Variants in ABCB5 observed in about 807,000 individuals in gnomAD.
The protein encoded by ABCB5 is ATP-binding cassette sub-family B member 5.
ABCB5 carries 155 observed loss-of-function variants against 144.2 expected under a neutral mutation model. The observed-to-expected ratio is 1.08, with a 90% confidence interval of 0.94 to 1.23. ABCB5 has a LOEUF of 1.23. Among genes scored for constraint, ABCB5 ranks in the 50% most tolerant of loss-of-function variants. ABCB5 has a pLI of 0.00. For synonymous variants in ABCB5, 610 were observed against 528.6 expected (o/e 1.15, Z -2.11); for missense variants, 1,830 against 1,520.8 (o/e 1.20, Z -3.38).
intron 26 of ABCB5, among the ~76,000 whole-genome samples, chr7:20,747,302 ACT>A (rs773736182): frequency 9.9e-5 from 15 of 152,090 alleles, no homozygotes; most frequent in Non-Finnish European, 1.5e-4. Context: ...ACAAGGCCTC[ACT>A]CTGTCACCCA....
In ABCB5 at chr7:20,711,786, T is replaced by TTCTCTCTCTCTCTCTC. The variant is rs1491248865; in HGVS notation, c.2421+6982_2421+6983insCTCTCTCTCTCTCTCT. 1.6e-3 allele frequency among the ~76,000 whole-genome samples: 56 copies of TTCTCTCTCTCTCTCTC among 34,242 alleles called. 7 individuals carry two copies. Among genetic ancestry groups the TTCTCTCTCTCTCTCTC allele is most frequent in the East Asian group, 0.014 (12 of 848 alleles). The allele number at this position is 34,242 out of a possible 152,430, so 22.5% of individuals were successfully genotyped here. A position where few individuals can be genotyped will look rare whatever the true frequency, so the allele number is the denominator to read the frequency against. ...CCTGCCTTTCCTTCTTTCTCTTTCT[T>TTCTCTCTCTCTCTCTC]TCTTTCTTTCTTTCTTTCTTTCTTT... On this transcript the variant is annotated intron_variant, in intron 20 of 27. Coordinates refer to ENST00000404938, the MANE Select transcript of ABCB5 (RefSeq NM_001163941.2).
At chr7:20,754,431 C>T (rs192356710) in intron 27 of ABCB5, among the ~76,000 whole-genome samples, 6 of 152,304 alleles carry the variant, frequency 3.9e-5, no homozygotes, top group Admixed American at 3.9e-4. Flanking sequence ...CTTGGTCTAA[C>T]CTCAGTTCAG....
chr7:20,713,912 A>C (rs1781580372), intron 20 of ABCB5, among the ~76,000 whole-genome samples: 1 of 151,924 alleles, frequency 6.6e-6, no homozygotes, highest in South Asian at 2.1e-4. Flanking sequence ...TCTATGCTGC[A>C]AACTCTAGCT....
chr7:20,623,663 C>G (rs1292476857), intron 2 of ABCB5, among the ~76,000 whole-genome samples: 1 of 152,140 alleles, frequency 6.6e-6, no homozygotes, highest in Non-Finnish European at 1.5e-5. Context: ...TTTCAATTCT[C>G]TGTGGACCCT....
In ABCB5 at chr7:20,671,973, A is replaced by G. The variant is rs542603925; in HGVS notation, c.1708-9532A>G. On this transcript the variant is annotated intron_variant, in intron 14 of 27. Transcript: ENST00000404938. ...CTACTCCACAACTTGCCCACACTTC[A>G]TATGGTCATTTATTTTAATTTCAGC... Among the ~76,000 whole-genome samples, 13 of 152,338 alleles carry G rather than the reference A, an allele frequency of 8.5e-5. No homozygotes were observed. The East Asian group carries it at 2.5e-3, about 29-fold the overall frequency.
rs185836211 is a variant in ABCB5 at position 20,697,096 on chromosome 7, A to G, written c.2011-1311A>G. Among the ~76,000 whole-genome samples the G allele has an allele frequency of 3.3e-5, 5 of 152,262 alleles. No homozygotes were observed. The East Asian group carries it at 9.7e-4, about 29-fold the overall frequency. On this transcript the variant is annotated intron_variant, in intron 16 of 27. Transcript: ENST00000404938. ...TTTTAAATTTTTGTACATTCTTTTG[A>G]ACAGTGACCTAGCTGAAATGTTGTG...
chr7:20,639,549 A>AT (rs1202344833), intron 5 of ABCB5, among the ~76,000 whole-genome samples: 8 of 151,832 alleles, frequency 5.3e-5, no homozygotes, highest in African/African-American at 7.3e-5. Flanking sequence ...GTTTAAATTT[A>AT]TTTTTTTTGC....
chr7:20,634,492 T>C (rs1784109827), intron 5 of ABCB5, among the ~76,000 whole-genome samples: 1 of 152,134 alleles, frequency 6.6e-6, no homozygotes, highest in East Asian at 1.9e-4. Context: ...CCATGGAGGC[T>C]GTACTAATTT....
intron 1 of ABCB5, among the ~76,000 whole-genome samples, chr7:20,619,457 G>A (rs910501876): frequency 6.6e-6 from 1 of 152,094 alleles, no homozygotes; most frequent in Non-Finnish European, 1.5e-5. Context: ...AGCATTTTAT[G>A]TTTGTTGGCC....
At chr7:20,745,197 T>A (rs1782680687) in intron 25 of ABCB5, 35 bp from the exon 26 acceptor site, 1 of 1,599,210 alleles carries the variant, frequency 6.3e-7, no homozygotes, top group Admixed American at 1.7e-5. Flanking sequence ...AGTTGTGTGA[T>A]CTTAACACAC....
chr7:20,723,557 T>A (rs2128049924), intron 21 of ABCB5, among the ~76,000 whole-genome samples: 1 of 152,348 alleles, frequency 6.6e-6, no homozygotes. Flanking sequence ...AAAGTGGGAA[T>A]AATACGAGTA....
At chr7:20,726,377 T>TG (rs1782037640) in intron 21 of ABCB5, among the ~76,000 whole-genome samples, 1 of 143,904 alleles carries the variant, frequency 6.9e-6, no homozygotes. Context: ...TTTTTTTTTT[T>TG]TTTTTGAGAC....
Position 20,755,581 on chromosome 7 carries a change from G to C in ABCB5, c.3731G>C (p.Arg1244Pro), listed in dbSNP as rs573397335. 2.5e-6 allele frequency: 4 copies of C among 1,614,060 alleles called. No individual in the cohort carries two copies. In the Admixed American group the frequency reaches 5.0e-5, roughly 20 times the overall value. Residue 1244 changes from arginine (R) to proline (P), a missense_variant, in exon 28 of 28, where the codon CGA becomes CCA. By Grantham distance (103) the Arg-to-Pro change is moderately radical. Transcript: ENST00000404938. ...QGTHQELLRN[R>P]DIYFKLVNAQ... ...ACTCATCAAGAGCTCCTGAGAAATCGAGACATATATTTTAAGTTAGTGAAT... is the reference window on the plus strand; with the variant it reads ...ACTCATCAAGAGCTCCTGAGAAATCCAGACATATATTTTAAGTTAGTGAAT...
chr7:20,720,721 G>A (rs184243855), intron 20 of ABCB5, among the ~76,000 whole-genome samples: 2,366 of 151,998 alleles, frequency 0.016, 163 homozygotes, highest in Admixed American at 0.11. Context: ...CGAGACGGGC[G>A]GATCACGAGG....
chr7:20,634,555 C>T (rs1309304565), intron 5 of ABCB5, among the ~76,000 whole-genome samples: 2 of 152,092 alleles, frequency 1.3e-5, no homozygotes, highest in African/African-American at 4.8e-5. Flanking sequence ...TTCTCACCAA[C>T]ATCTGTTATT....
intron 27 of ABCB5, 76 bp from the exon 28 acceptor site, chr7:20,755,351 C>A: frequency 7.5e-7 from 1 of 1,337,850 alleles, no homozygotes; most frequent in Non-Finnish European, 1.1e-6. Flanking sequence ...TATTAGACTA[C>A]CTTAATTGAT....
At chr7:20,640,371 C>A (rs1472450247) in intron 5 of ABCB5, among the ~76,000 whole-genome samples, 1 of 151,840 alleles carries the variant, frequency 6.6e-6, no homozygotes, top group African/African-American at 2.4e-5. Flanking sequence ...TTAAAGACAC[C>A]TTATTTAATG....
chr7:20,745,229 C>T lies in ABCB5; in HGVS notation c.3223-3C>T. The stretch of plus-strand genomic sequence containing the variant: ...ACACCATTCTCCAATCTGCTTTTGG[C>T]AGCTGTTTGATGGTGTGGATGCAAA... On this transcript the variant is annotated splice_polypyrimidine_tract_variant and splice_region_variant and intron_variant, in intron 25 of 27. Coordinates refer to ENST00000404938, the MANE Select transcript of ABCB5 (RefSeq NM_001163941.2). The T allele has an allele frequency of 6.2e-7, 1 of 1,613,816 alleles. No individual in the cohort carries two copies. The highest frequency in any genetic ancestry group is 8.5e-7 in the Non-Finnish European group (1 of 1,179,790).
intron 24 of ABCB5, among the ~76,000 whole-genome samples, chr7:20,741,102 C>CAA (rs752938155): frequency 0.038 from 2,018 of 53,694 alleles, 29 homozygotes; most frequent in Non-Finnish European, 0.056. Context: ...GACTCCTTCT[C>CAA]AAAAAAAAAA....
Sources: gnomAD v4.1 joint callset for allele counts (sites outside exome capture counted in the v4.1 genomes callset) on GRCh38, gnomAD v4.1.1 for gene constraint, MANE v1.5 for transcripts, NCBI Gene and HGNC (gene_info 2026-07-23, HGNC 2026-07-21) for gene names.